The following TSPAN1 variants were observed in gnomAD, a reference collection of about 807,000 sequenced individuals.
The protein encoded by TSPAN1 is tetraspanin-1.
A neutral mutation model predicts 26.9 loss-of-function variants in TSPAN1; 23 were observed. The observed-to-expected ratio is 0.85, with a 90% CI of 0.62 to 1.21. The LOEUF is 1.21. TSPAN1 is among the 50% of genes most tolerant of loss of function. The pLI, the probability that TSPAN1 is intolerant of heterozygous loss-of-function variation, is 0.00. For synonymous variants in TSPAN1, 115 were observed against 114.8 expected (o/e 1.00, Z -0.01); for missense variants, 283 against 298.4 (o/e 0.95, Z 0.38).
chr1:46,179,688 C>G (rs1258384327), intron 1 of TSPAN1, among the ~76,000 whole-genome samples: 1 of 152,118 alleles, frequency 6.6e-6, no homozygotes, highest in Non-Finnish European at 1.5e-5. Context: ...AGCCTTGGAA[C>G]TGGGGGTGGC....
chr1:46,192,619 G>A, the TSPAN1 span: 1 of 1,612,416 alleles, frequency 6.2e-7, no homozygotes, highest in Non-Finnish European at 8.5e-7. Context: ...AAGAGTTCAG[G>A]GAGGGACAAG....
Position 46,185,281 on chromosome 1 carries a change from T to C in TSPAN1, c.651T>C (p.Gly217=). 6.2e-7 allele frequency: 1 copy of C among 1,614,074 alleles called. No homozygotes were observed. The highest frequency in any genetic ancestry group is 8.5e-7 in the Non-Finnish European group (1 of 1,179,992). The change falls in exon 8 of 9, where the codon GGT becomes GGC. Residue 217 remains glycine (G), a synonymous_variant. Coordinates refer to ENST00000372003, the MANE Select transcript of TSPAN1 (RefSeq NM_005727.4). ...GAACTAATGCAGTCACCGTGGGTGGTGTGGCAGCTGGAATTGGGGGCCTCG... is the reference window on the plus strand; with the variant it reads ...GAACTAATGCAGTCACCGTGGGTGGCGTGGCAGCTGGAATTGGGGGCCTCG... ...DIRTNAVTVG[G]VAAGIGGLEL...
chr1:46,175,876 T>TG, intron 1 of TSPAN1: 1 of 401,380 alleles, frequency 2.5e-6, no homozygotes, highest in Non-Finnish European at 4.4e-6. Flanking sequence ...GCTCTGGTTT[T>TG]TTTTTTTTTT....
chr1:46,189,436 A>G (rs1369640597), downstream of TSPAN1: 1 of 1,613,454 alleles, frequency 6.2e-7, no homozygotes. Context: ...CCTGTTTCCC[A>G]GGGCAGAAAA....
At chr1:46,194,843 C>T in the TSPAN1 span, 1 of 1,614,156 alleles carries the variant, frequency 6.2e-7, no homozygotes, top group Non-Finnish European at 8.5e-7. Flanking sequence ...GATGCCGGCA[C>T]CTCCTTTTCG....
intron 4 of TSPAN1, 62 bp downstream of exon 4, chr1:46,184,459 C>T: frequency 6.2e-7 from 1 of 1,610,680 alleles, no homozygotes; most frequent in Admixed American, 1.7e-5. Context: ...GACACCAGGC[C>T]CTGGGATTCC....
chr1:46,189,953 A>G, downstream of TSPAN1: 1 of 1,614,146 alleles, frequency 6.2e-7, no homozygotes, highest in Non-Finnish European at 8.5e-7. Context: ...AAGAGTCTTC[A>G]CAAGGGTTCT....
At position 46,175,409 on chromosome 1, in the gene TSPAN1, T is replaced by A; in HGVS notation, c.-142T>A. On this transcript the variant is annotated splice_region_variant and 5_prime_UTR_variant, in exon 1 of 9. Coordinates refer to ENST00000372003, the MANE Select transcript of TSPAN1 (RefSeq NM_005727.4). ...TGCTGCGGTCACTGAAGCCTTTCCC[T>A]GTAAGTATTCAGCCATAACCCTCCC... The A allele has an allele frequency of 2.5e-6, 1 of 392,208 alleles. No individual in the cohort carries two copies. Among genetic ancestry groups the A allele is most frequent in the Non-Finnish European group, 4.5e-6 (1 of 222,670 alleles). 24.3% of individuals were successfully genotyped at this position (392,208 alleles called of 1,614,324 possible).
chr1:46,194,598 C>T, the TSPAN1 span: 8 of 1,614,052 alleles, frequency 5.0e-6, no homozygotes, highest in Admixed American at 1.0e-4. Context: ...AGGACTGGGT[C>T]CCCCCAGGAA....
intron 1 of TSPAN1, among the ~76,000 whole-genome samples, chr1:46,178,320 G>T (rs10157243): frequency 6.6e-6 from 1 of 151,092 alleles, no homozygotes; most frequent in Non-Finnish European, 1.5e-5. Flanking sequence ...TTGCGCCACT[G>T]CATTCCAGCC....
rs560455403 is a variant in TSPAN1, at chr1:46,176,414, G to A, written c.-142+1005G>A. ...CTGGGCCAGCCCATACCTGGCCTGC[G>A]GTAGGGGGAACGCATGCCCTGGGGC... On this transcript the variant is annotated intron_variant, in intron 1 of 8. Coordinates refer to ENST00000372003, the MANE Select transcript of TSPAN1 (RefSeq NM_005727.4). 2.8e-4 allele frequency: 429 copies of A among 1,535,744 alleles called. 1 individual carries two copies. The highest frequency in any genetic ancestry group is 5.9e-4 in the Admixed American group (30 of 51,010).
At chr1:46,193,572 A>G in the TSPAN1 span, 1 of 1,614,178 alleles carries the variant, frequency 6.2e-7, no homozygotes. Flanking sequence ...ACCTCATAGT[A>G]GCCGTCAATG....
chr1:46,195,997 C>G, the TSPAN1 span: 1 of 1,614,108 alleles, frequency 6.2e-7, no homozygotes, highest in Admixed American at 1.7e-5. Flanking sequence ...GGGTCACCCA[C>G]CCCTAGAAAC....
chr1:46,193,700 GTT>G, the TSPAN1 span: 7 of 1,610,802 alleles, frequency 4.3e-6, no homozygotes, highest in Non-Finnish European at 3.4e-6. Flanking sequence ...GTTCCCCTGT[GTT>G]TACAGCTGGG....
At chr1:46,183,351 C>T (rs1657354690) in intron 3 of TSPAN1, 1 of 152,288 alleles carries the variant, frequency 6.6e-6, no homozygotes, top group Non-Finnish European at 1.5e-5. Context: ...TGGAATCCAG[C>T]CACAATCTGC....
downstream of TSPAN1, among the ~76,000 whole-genome samples, chr1:46,186,493 T>C (rs565260650): frequency 8.4e-3 from 1,240 of 147,730 alleles, 10 homozygotes; most frequent in Middle Eastern, 0.035. Context: ...CTTTTCTTTT[T>C]TTTTTTTTTT....
chr1:46,188,962 G>T, downstream of TSPAN1: 2 of 1,611,164 alleles, frequency 1.2e-6, no homozygotes, highest in Middle Eastern at 3.4e-4. Context: ...CAATAAATAG[G>T]TTAGATTCTG....
chr1:46,183,813 A>C, intron 3 of TSPAN1: 1 of 258,876 alleles, frequency 3.9e-6, no homozygotes, highest in Non-Finnish European at 7.4e-6. Flanking sequence ...ATCAGAGGAC[A>C]GAGGTGTTCT....
rs1483533486 is a variant in TSPAN1 at position 46,175,304 on chromosome 1, G to A, written c.-247G>A. On this transcript the variant is annotated 5_prime_UTR_variant, in exon 1 of 9. Coordinates refer to ENST00000372003, the MANE Select transcript of TSPAN1 (RefSeq NM_005727.4). ...AGGCAAGAGAGCCCCTACTTCATGG[G>A]GCAGATCAAGAGCTGAGACCAAAGA... The A allele has an allele frequency of 3.2e-6, 1 of 317,356 alleles. No homozygotes were observed. The allele number at this position is 317,356 out of a possible 1,614,324, so 19.7% of individuals were successfully genotyped here. A position where few individuals can be genotyped will look rare whatever the true frequency, so the allele number is the denominator to read the frequency against.
Sources: allele counts gnomAD v4.1 joint callset (sites outside exome capture counted in the v4.1 genomes callset), GRCh38; gene constraint gnomAD v4.1.1; transcripts MANE v1.5; gene names NCBI Gene and HGNC (gene_info 2026-07-23, HGNC 2026-07-21).